The following LRRIQ1 variants were observed in gnomAD, a reference collection of about 807,000 sequenced individuals.
LRRIQ1 encodes leucine rich repeats and IQ motif containing 1, also known as leucine-rich repeat- and IQ domain-containing protein 1.
LRRIQ1 carries 210 observed loss-of-function variants against 211.9 expected under a neutral mutation model. The observed-to-expected ratio is 0.99, with a 90% confidence interval of 0.89 to 1.11. LRRIQ1 has a LOEUF of 1.11. Ranked by LOEUF, LRRIQ1 falls within the 50% of genes most tolerant of loss-of-function variation. The probability of loss-of-function intolerance (pLI) is 0.00; values close to 1 mark genes in which losing one functional copy is unlikely to be tolerated. For missense variants in LRRIQ1, 2,136 were observed against 1,939.5 expected (o/e 1.10, Z -1.90); for synonymous variants, 699 against 650.1 (o/e 1.08, Z -1.14).
rs775680245 is a variant in LRRIQ1, at chr12:85,121,834, G to T, written c.3515G>T (p.Arg1172Leu). Residue 1172 changes from arginine to leucine, a missense_variant, in exon 16 of 27, where the codon CGA becomes CTA. Arg to Leu is a moderately radical substitution (Grantham distance 102). Coordinates refer to ENST00000393217, the MANE Select transcript of LRRIQ1 (RefSeq NM_001079910.2). ...GFLALCQSQIREFNLLIENYI... is the reference protein window; with the variant it reads ...GFLALCQSQILEFNLLIENYI... ...CTGGCACTTTGTCAGTCTCAGATTC[G>T]AGAATTCAACTTGCTAATTGAAAAT... 2.5e-6 allele frequency: 4 copies of T among 1,606,866 alleles called. No homozygotes were observed. The South Asian group carries it at 4.5e-5, about 18-fold the overall frequency.
intron 23 of LRRIQ1, among the ~76,000 whole-genome samples, chr12:85,158,544 ATATGGATACTC>A (rs1890685467): frequency 1.3e-5 from 2 of 152,022 alleles, no homozygotes; most frequent in African/African-American, 4.8e-5. Context: ...GAATTTAATA[ATATGGATACTC>A]TAATGCTTAA....
chr12:85,204,162 A>G (rs1893428852), intron 24 of LRRIQ1, among the ~76,000 whole-genome samples: 1 of 152,194 alleles, frequency 6.6e-6, no homozygotes, highest in Admixed American at 6.5e-5. Flanking sequence ...GCAAGCCCCA[A>G]ACCTTGGCAG....
chr12:85,116,637 A>G (rs767114490), intron 15 of LRRIQ1, among the ~76,000 whole-genome samples: 6 of 151,982 alleles, frequency 3.9e-5, no homozygotes, highest in Admixed American at 6.6e-5. Flanking sequence ...TTTGTTGTAG[A>G]TATTATTTCC....
chr12:85,231,278 C>G (rs1291335757), intron 25 of LRRIQ1, among the ~76,000 whole-genome samples: 1 of 151,922 alleles, frequency 6.6e-6, no homozygotes, highest in African/African-American at 2.4e-5. Flanking sequence ...CCATTTAATT[C>G]ATTTAAAAAT....
intron 11 of LRRIQ1, among the ~76,000 whole-genome samples, chr12:85,079,044 G>T (rs889280000): frequency 6.6e-6 from 1 of 151,960 alleles, no homozygotes; most frequent in African/African-American, 2.4e-5. Context: ...CAGTCAATTT[G>T]CTATAATATC....
chr12:85,160,487 A>G, intron 23 of LRRIQ1, 126 bp from the exon 24 acceptor site: 1 of 520,798 alleles, frequency 1.9e-6, no homozygotes, highest in East Asian at 2.9e-5. Context: ...TAACATCATC[A>G]TCAATTTCAT....
chr12:85,208,275 G>T (rs1893663808), intron 24 of LRRIQ1, among the ~76,000 whole-genome samples: 1 of 151,930 alleles, frequency 6.6e-6, no homozygotes, highest in Admixed American at 6.6e-5. Context: ...AAACATATAG[G>T]TATAGTAAGT....
At chr12:85,114,986 G>A (rs1414144216) in intron 15 of LRRIQ1, among the ~76,000 whole-genome samples, 1 of 152,130 alleles carries the variant, frequency 6.6e-6, no homozygotes, top group Non-Finnish European at 1.5e-5. Context: ...TGTCTAGCCA[G>A]TGATAACAGG....
At chr12:85,060,974 A>AG (rs1881725842) in intron 8 of LRRIQ1, among the ~76,000 whole-genome samples, 1 of 151,884 alleles carries the variant, frequency 6.6e-6, no homozygotes, top group African/African-American at 2.4e-5. Flanking sequence ...ATATAATGAG[A>AG]GTTTCATAGC....
At chr12:85,230,420 G>A (rs551335611) in intron 25 of LRRIQ1, among the ~76,000 whole-genome samples, 61 of 152,272 alleles carry the variant, frequency 4.0e-4, no homozygotes, top group Middle Eastern at 3.4e-3. Flanking sequence ...CAAGGATGTG[G>A]ACTGTGTTGT....
chr12:85,077,815 TA>T lies in LRRIQ1; in HGVS notation c.2887+4724del, dbSNP rs1349427018. ...AGTGAGACCTCATTTCTACTAAAAA[TA>T]AAAAAATAAAATAAACAAAAAATAA... On this transcript the variant is annotated intron_variant, in intron 11 of 26. Transcript: ENST00000393217. 3.3e-5 allele frequency among the ~76,000 whole-genome samples: 5 copies of T among 151,644 alleles called. No individual in the cohort carries two copies. In the East Asian group the frequency reaches 7.8e-4, roughly 24 times the overall value.
At chr12:85,086,222 C>T (rs372396787) in intron 11 of LRRIQ1, among the ~76,000 whole-genome samples, 4 of 152,156 alleles carry the variant, frequency 2.6e-5, no homozygotes, top group African/African-American at 9.6e-5. Flanking sequence ...TTGTTGACTG[C>T]ATGTATGTCT....
At chr12:85,270,275 A>G in the LRRIQ1 span, among the ~76,000 whole-genome samples, 4 of 152,128 alleles carry the variant, frequency 2.6e-5, no homozygotes, top group Admixed American at 2.6e-4. Context: ...GAGATTTTAA[A>G]AGGTAACTGT....
chr12:85,201,288 G>A (rs571164929), intron 24 of LRRIQ1, among the ~76,000 whole-genome samples: 1 of 148,708 alleles, frequency 6.7e-6, no homozygotes, highest in Middle Eastern at 3.4e-3. Flanking sequence ...TTTAGTATCA[G>A]GATGATGCTG....
chr12:85,263,317 G>GT (rs1407560196), exon 2 of LRRIQ1: 2 of 152,304 alleles, frequency 1.3e-5, no homozygotes, highest in African/African-American at 2.4e-5. Context: ...TGCATATCCA[G>GT]TTTTTTTAGT....
chr12:85,185,932 G>A (rs1892206998), intron 24 of LRRIQ1, among the ~76,000 whole-genome samples: 1 of 151,828 alleles, frequency 6.6e-6, no homozygotes. Context: ...TAAATGATAA[G>A]TAACTGATAA....
At chr12:85,203,406 C>G (rs1375535522) in intron 24 of LRRIQ1, among the ~76,000 whole-genome samples, 3 of 151,992 alleles carry the variant, frequency 2.0e-5, no homozygotes, top group Non-Finnish European at 2.9e-5. Flanking sequence ...TGAAAAGATA[C>G]CGAAAAATGT....
At chr12:85,076,582 C>T in intron 11 of LRRIQ1, 1 of 780,780 alleles carries the variant, frequency 1.3e-6, no homozygotes, top group Non-Finnish European at 1.6e-6. Context: ...TGGAAAATTG[C>T]CCACTAGTAT....
chr12:85,058,656 C>G (rs1382297913), intron 8 of LRRIQ1, among the ~76,000 whole-genome samples: 2 of 151,954 alleles, frequency 1.3e-5, no homozygotes, highest in African/African-American at 4.8e-5. Context: ...TTCTTTCGAA[C>G]GTTTGTCAAT....
Sources: gnomAD v4.1 joint callset for allele counts (sites outside exome capture counted in the v4.1 genomes callset) on GRCh38, gnomAD v4.1.1 for gene constraint, MANE v1.5 for transcripts, NCBI Gene and HGNC (gene_info 2026-07-23, HGNC 2026-07-21) for gene names.